The following NR3C2 variants were observed in gnomAD, a reference collection of about 807,000 sequenced individuals.
The protein encoded by NR3C2 is mineralocorticoid receptor.
In NR3C2, 15 loss-of-function variants were observed where a neutral mutation model predicts 86.4. The ratio of observed to expected loss-of-function variants is 0.17; its 90% CI spans 0.12 to 0.27. The LOEUF (loss-of-function observed/expected upper bound fraction) is 0.27. Among genes scored for constraint, NR3C2 ranks in the 10% least tolerant of loss-of-function variants. NR3C2 has a pLI of 1.00. For missense variants in NR3C2, 960 were observed against 1,195.6 expected, an observed-to-expected ratio of 0.80 and a Z score of 2.91; for synonymous variants, 458 against 450.5, an observed-to-expected ratio of 1.02 and a Z score of -0.21.
rs555751954 is a variant in NR3C2 at position 148,098,175 on chromosome 4, T to A, written c.2799+15929A>T. ...TTGACTTGCTGTGTGCATCAGGCAA[T>A]AACCTATTACGGTTACATTGCTGGT... is the stretch of plus-strand genomic sequence containing the variant. On this transcript the variant is annotated intron_variant, in intron 8 of 8. Coordinates refer to ENST00000358102, the MANE Select transcript of NR3C2 (RefSeq NM_000901.5). Among the ~76,000 whole-genome samples, 3 of 152,342 alleles carry A rather than the reference T, an allele frequency of 2.0e-5. No individual in the cohort carries two copies. In the East Asian group the frequency reaches 5.8e-4, roughly 29 times the overall value.
intron 6 of NR3C2, among the ~76,000 whole-genome samples, chr4:148,130,814 GT>G (rs1193845630): frequency 1.2e-4 from 9 of 77,068 alleles, no homozygotes; most frequent in African/African-American, 4.0e-4. Context: ...GTTTTGTTTT[GT>G]TTTGTTTTTT....
At chr4:148,089,055 G>A (rs1267599603) in intron 8 of NR3C2, among the ~76,000 whole-genome samples, 2 of 152,132 alleles carry the variant, frequency 1.3e-5, no homozygotes, top group Non-Finnish European at 2.9e-5. Context: ...TGGTGAACTT[G>A]TATCTGTAAC....
chr4:148,330,508 C>T (rs193233407), intron 2 of NR3C2, among the ~76,000 whole-genome samples: 3 of 140,478 alleles, frequency 2.1e-5, no homozygotes, highest in East Asian at 4.1e-4. Flanking sequence ...CCAATTTAGA[C>T]ATTAAAATGT....
intron 6 of NR3C2, among the ~76,000 whole-genome samples, chr4:148,123,703 G>A (rs532427452): frequency 7.9e-5 from 12 of 152,294 alleles, no homozygotes; most frequent in African/African-American, 2.6e-4. Context: ...TACTGGGGGC[G>A]GGTTCCCCCG....
intron 7 of NR3C2, among the ~76,000 whole-genome samples, chr4:148,115,043 G>A (rs908976168): frequency 3.0e-4 from 45 of 152,264 alleles, no homozygotes; most frequent in African/African-American, 1.0e-3. Flanking sequence ...ATGCGTGTGA[G>A]GGGGGAACAA....
At chr4:148,212,412 C>A (rs778089241) in intron 3 of NR3C2, among the ~76,000 whole-genome samples, 1 of 152,206 alleles carries the variant, frequency 6.6e-6, no homozygotes, top group Non-Finnish European at 1.5e-5. Flanking sequence ...ACTGAGCTAC[C>A]CTCAGCAGTG....
chr4:148,352,726 G>C (rs766416855), intron 2 of NR3C2, among the ~76,000 whole-genome samples: 5 of 152,064 alleles, frequency 3.3e-5, no homozygotes, highest in Non-Finnish European at 7.4e-5. Context: ...ATTTTTCATA[G>C]TTTTAAAATC....
intron 2 of NR3C2, among the ~76,000 whole-genome samples, chr4:148,376,745 A>C (rs1746700519): frequency 1.3e-5 from 2 of 152,350 alleles, no homozygotes; most frequent in African/African-American, 4.8e-5. Flanking sequence ...GATTTAATAC[A>C]TATCCTTATG....
chr4:148,132,208 A>C (rs1733074108), intron 6 of NR3C2, among the ~76,000 whole-genome samples: 1 of 152,228 alleles, frequency 6.6e-6, no homozygotes, highest in South Asian at 2.1e-4. Context: ...GATAAATCAC[A>C]TTACAAAAAT....
chr4:148,149,800 A>G (rs1360005024), intron 6 of NR3C2, among the ~76,000 whole-genome samples: 1 of 152,258 alleles, frequency 6.6e-6, no homozygotes, highest in East Asian at 1.9e-4. Context: ...AAGCATATGA[A>G]AACATGTCCA....
At chr4:148,104,329 G>GTTT (rs1553985371) in intron 8 of NR3C2, among the ~76,000 whole-genome samples, 1 of 124,382 alleles carries the variant, frequency 8.0e-6, no homozygotes, top group Admixed American at 7.9e-5. Flanking sequence ...TTGTTTTTTT[G>GTTT]TGTTTTGGTT....
At chr4:148,423,170 T>C (rs1414398619) in intron 2 of NR3C2, among the ~76,000 whole-genome samples, 3 of 152,024 alleles carry the variant, frequency 2.0e-5, no homozygotes, top group Non-Finnish European at 4.4e-5. Flanking sequence ...TCAATCCTTA[T>C]TTTCTCCTTC....
chr4:148,425,741 C>T (rs566060934), intron 2 of NR3C2, among the ~76,000 whole-genome samples: 32 of 152,268 alleles, frequency 2.1e-4, no homozygotes, highest in African/African-American at 5.8e-4. Flanking sequence ...ATCTGATTTA[C>T]GTTTTTAAAA....
At chr4:148,173,770 G>T (rs61757936) in intron 4 of NR3C2, among the ~76,000 whole-genome samples, 1 of 152,214 alleles carries the variant, frequency 6.6e-6, no homozygotes, top group Non-Finnish European at 1.5e-5. Flanking sequence ...AGAGGCCCTT[G>T]TTGTAGCTGA....
chr4:148,357,813 T>C (rs1327489217), intron 2 of NR3C2, among the ~76,000 whole-genome samples: 3 of 152,196 alleles, frequency 2.0e-5, no homozygotes, highest in African/African-American at 7.2e-5. Context: ...CTTTAGTTCC[T>C]GGCATGTTAA....
intron 2 of NR3C2, among the ~76,000 whole-genome samples, chr4:148,322,753 TA>T (rs1279799626): frequency 8.1e-6 from 1 of 122,738 alleles, no homozygotes; most frequent in African/African-American, 3.3e-5. Flanking sequence ...CACTTCTCTG[TA>T]TTGGTTATTC....
chr4:148,269,800 T>C (rs1294136723), intron 2 of NR3C2, among the ~76,000 whole-genome samples: 2 of 152,224 alleles, frequency 1.3e-5, no homozygotes, highest in African/African-American at 2.4e-5. Context: ...GCCTCATCTG[T>C]AGATCAGTAC....
chr4:148,387,265 C>A (rs1273041713), intron 2 of NR3C2, among the ~76,000 whole-genome samples: 2 of 152,144 alleles, frequency 1.3e-5, no homozygotes, highest in African/African-American at 4.8e-5. Context: ...CATGAGGCAA[C>A]AAGCATGAGG....
At chr4:148,346,506 C>G (rs1330895021) in intron 2 of NR3C2, among the ~76,000 whole-genome samples, 3 of 151,888 alleles carry the variant, frequency 2.0e-5, no homozygotes, top group Admixed American at 6.6e-5. Context: ...GGTTTAGAGC[C>G]CAGTGAAAGT....
Sources: gnomAD v4.1 joint callset for allele counts (sites outside exome capture counted in the v4.1 genomes callset) on GRCh38, gnomAD v4.1.1 for gene constraint, MANE v1.5 for transcripts, NCBI Gene and HGNC (gene_info 2026-07-23, HGNC 2026-07-21) for gene names.